The following TANK variants were observed in gnomAD, a reference collection of about 807,000 sequenced individuals.
TANK encodes the protein TRAF family member-associated NF-kappa-B activator.
In TANK, 15 loss-of-function variants were observed where a neutral mutation model predicts 43.6. The ratio of observed to expected loss-of-function variants is 0.34; its 90% CI spans 0.23 to 0.53. TANK has a LOEUF of 0.53. Ranked by LOEUF, TANK falls within the 20% of genes least tolerant of loss-of-function variation. The pLI is 0.94. For missense variants in TANK, 417 were observed against 498.6 expected (o/e 0.84, Z 1.56); for synonymous variants, 162 against 178.2 (o/e 0.91, Z 0.73).
intron 4 of TANK, chr2:161,211,772 C>T (rs961071371): frequency 3.0e-6 from 3 of 985,280 alleles, no homozygotes; most frequent in Admixed American, 6.1e-5. Flanking sequence ...ATGGCACAGG[C>T]CAATGTAGGC....
At chr2:161,179,962 G>A in intron 2 of TANK, 1 of 1,251,076 alleles carries the variant, frequency 8.0e-7, no homozygotes, top group South Asian at 3.1e-5. Context: ...AGGAAGAGTT[G>A]ATTTGATGGG....
intron 1 of TANK, among the ~76,000 whole-genome samples, chr2:161,171,688 TC>T (rs1368836767): frequency 6.6e-6 from 1 of 152,320 alleles, no homozygotes; most frequent in East Asian, 1.9e-4. Context: ...AAATTTCAAC[TC>T]TTTTTTCATA....
chr2:161,160,821 A>T (rs1004948883), intron 1 of TANK: 3 of 536,776 alleles, frequency 5.6e-6, no homozygotes, highest in Non-Finnish European at 1.1e-5. Flanking sequence ...TGCGGTGTCG[A>T]GGTGAGCAGT....
At chr2:161,143,143 G>A (rs1683800692) in intron 1 of TANK, among the ~76,000 whole-genome samples, 2 of 152,088 alleles carry the variant, frequency 1.3e-5, no homozygotes, top group Non-Finnish European at 2.9e-5. Flanking sequence ...TGGTGTATAG[G>A]AATGCTTGTG....
intron 1 of TANK, among the ~76,000 whole-genome samples, chr2:161,164,950 C>A (rs1684607540): frequency 1.3e-5 from 2 of 151,130 alleles, no homozygotes; most frequent in African/African-American, 4.9e-5. Flanking sequence ...GAGATATATT[C>A]TCTATAAATG....
At chr2:161,144,563 G>A (rs1026405404) in intron 1 of TANK, among the ~76,000 whole-genome samples, 1 of 152,108 alleles carries the variant, frequency 6.6e-6, no homozygotes, top group African/African-American at 2.4e-5. Context: ...TATTTACCTA[G>A]GAGTCATTCA....
chr2:161,172,864 T>A (rs1685013950), intron 1 of TANK, among the ~76,000 whole-genome samples: 1 of 152,142 alleles, frequency 6.6e-6, no homozygotes, highest in South Asian at 2.1e-4. Flanking sequence ...TCATCTTTAT[T>A]TCCCCTGCTC....
chr2:161,185,393 T>A (rs1300595968), intron 2 of TANK, among the ~76,000 whole-genome samples: 2 of 151,654 alleles, frequency 1.3e-5, no homozygotes, highest in Non-Finnish European at 2.9e-5. Flanking sequence ...AATTAGGGAA[T>A]GAAGAAGTAA....
chr2:161,234,326 C>G (rs1457377423), intron 7 of TANK, among the ~76,000 whole-genome samples: 3 of 152,156 alleles, frequency 2.0e-5, no homozygotes, highest in African/African-American at 4.8e-5. Context: ...GATAAGGGGT[C>G]TCTTTAAATT....
intron 4 of TANK, chr2:161,216,417 T>C (rs1687119261): frequency 2.1e-6 from 1 of 470,296 alleles, no homozygotes; most frequent in Non-Finnish European, 4.4e-6. Context: ...TGTCCTCAGC[T>C]CTTGCTTCTC....
At chr2:161,167,664 C>T (rs940696717) in intron 1 of TANK, among the ~76,000 whole-genome samples, 7 of 151,812 alleles carry the variant, frequency 4.6e-5, no homozygotes, top group African/African-American at 1.7e-4. Flanking sequence ...TCTCTGTCAC[C>T]CAGGCTGGAG....
chr2:161,203,794 A>G (rs1344512290), intron 3 of TANK, among the ~76,000 whole-genome samples, 199 bp downstream of exon 3: 3 of 152,070 alleles, frequency 2.0e-5, no homozygotes, highest in Non-Finnish European at 4.4e-5. Flanking sequence ...ACTATACTAT[A>G]TGGTAGAACT....
chr2:161,186,256 G>C (rs1374889314), intron 2 of TANK, among the ~76,000 whole-genome samples: 1 of 152,230 alleles, frequency 6.6e-6, no homozygotes, highest in East Asian at 1.9e-4. Context: ...GCCCTTACCA[G>C]ACAGTCCATT....
intron 1 of TANK, among the ~76,000 whole-genome samples, chr2:161,155,054 C>A (rs958239312): frequency 1.3e-5 from 2 of 151,930 alleles, no homozygotes; most frequent in Non-Finnish European, 2.9e-5. Context: ...CAAAAACAAG[C>A]GTACACTTTT....
At chr2:161,213,241 A>G (rs1330674701) in intron 4 of TANK, among the ~76,000 whole-genome samples, 1 of 152,190 alleles carries the variant, frequency 6.6e-6, no homozygotes, top group East Asian at 1.9e-4. Context: ...GGAGGCGACA[A>G]GTATCCAAAC....
Position 161,153,277 on chromosome 2 carries a change from C to T in TANK, c.-50+16214C>T, listed in dbSNP as rs573426022. Among the ~76,000 whole-genome samples, 16 of 151,916 alleles carry T rather than the reference C, an allele frequency of 1.1e-4. No homozygotes were observed. In the East Asian group the frequency reaches 1.2e-3, roughly 11 times the overall value. On this transcript the variant is annotated intron_variant, in intron 1 of 7. Transcript: ENST00000259075. ...TTGTCCATGGTTTTCTTTAGTTCTT[C>T]GGGCATATTTAAGGCAACTGATTGA... is the stretch of plus-strand genomic sequence containing the variant.
chr2:161,206,757 G>A (rs1367977899), intron 4 of TANK, among the ~76,000 whole-genome samples: 4 of 151,928 alleles, frequency 2.6e-5, no homozygotes, highest in Admixed American at 2.0e-4. Context: ...TTTTTACTAG[G>A]CCTATTGTAG....
intron 2 of TANK, among the ~76,000 whole-genome samples, chr2:161,194,941 T>G (rs1266532541): frequency 6.6e-6 from 1 of 152,176 alleles, no homozygotes; most frequent in Non-Finnish European, 1.5e-5. Flanking sequence ...ATGAAGCTAC[T>G]GGTATTAGAA....
chr2:161,172,816 C>T (rs1204844685), intron 1 of TANK, among the ~76,000 whole-genome samples: 2 of 152,182 alleles, frequency 1.3e-5, no homozygotes, highest in African/African-American at 4.8e-5. Flanking sequence ...GCCACCAAAT[C>T]CTGTTGATTC....
Sources: allele counts gnomAD v4.1 joint callset (sites outside exome capture counted in the v4.1 genomes callset), GRCh38; gene constraint gnomAD v4.1.1; transcripts MANE v1.5; gene names NCBI Gene and HGNC (gene_info 2026-07-23, HGNC 2026-07-21).